NR3C2: variants seen among roughly 807,000 people sequenced by gnomAD.
NR3C2 encodes nuclear receptor subfamily 3 group C member 2, also known as mineralocorticoid receptor.
Under a neutral mutation model 86.4 loss-of-function variants are expected in NR3C2, and 15 were observed. That is an observed-to-expected ratio of 0.17 (90% CI 0.12 to 0.27). NR3C2 has a LOEUF of 0.27. Among genes scored for constraint, NR3C2 ranks in the 10% least tolerant of loss-of-function variants. NR3C2 has a pLI of 1.00. For synonymous variants in NR3C2, 458 were observed against 450.5 expected, an observed-to-expected ratio of 1.02 and a Z score of -0.21; for missense variants, 960 against 1,195.6, an observed-to-expected ratio of 0.80 and a Z score of 2.91.
chr4:148,177,121 T>C (rs772553929), intron 4 of NR3C2, among the ~76,000 whole-genome samples: 44 of 152,228 alleles, frequency 2.9e-4, no homozygotes, highest in Non-Finnish European at 5.6e-4. Flanking sequence ...ATCATCATTT[T>C]TTAAGCAGCA....
intron 4 of NR3C2, among the ~76,000 whole-genome samples, chr4:148,180,086 C>T (rs1240323952): frequency 6.6e-6 from 1 of 151,758 alleles, no homozygotes; most frequent in Non-Finnish European, 1.5e-5. Context: ...TTGGGAGACC[C>T]TTTAAAGACA....
rs1205834606 is a variant in NR3C2, at chr4:148,252,135, A to G, written c.1897+7843T>C. ...AAATGAGGATAGATAATAACCCCAC[A>G]CATTTGATAGAATTATCAAGAGGAT... On this transcript the variant is annotated intron_variant, in intron 3 of 8. Transcript: ENST00000358102. Among the ~76,000 whole-genome samples, 3 of 152,310 alleles carry G rather than the reference A, an allele frequency of 2.0e-5. No individual in the cohort carries two copies. The East Asian group carries it at 5.8e-4, about 29-fold the overall frequency.
At chr4:148,334,059 G>C (rs187425747) in intron 2 of NR3C2, among the ~76,000 whole-genome samples, 38 of 152,260 alleles carry the variant, frequency 2.5e-4, no homozygotes, top group Admixed American at 1.7e-3. Flanking sequence ...CAGACAATAA[G>C]GTGGACTTCC....
At chr4:148,103,667 A>G (rs1336783928) in intron 8 of NR3C2, among the ~76,000 whole-genome samples, 1 of 152,204 alleles carries the variant, frequency 6.6e-6, no homozygotes, top group East Asian at 1.9e-4. Context: ...CTCTCGCTCT[A>G]TGAACCTATT....
chr4:148,320,068 TGA>T (rs1162870898), intron 2 of NR3C2, among the ~76,000 whole-genome samples: 1 of 128,912 alleles, frequency 7.8e-6, no homozygotes, highest in Non-Finnish European at 1.6e-5. Context: ...CCTAATTTAT[TGA>T]GAGTTTTTAG....
intron 8 of NR3C2, among the ~76,000 whole-genome samples, chr4:148,082,649 C>A (rs373663842): frequency 6.8e-6 from 1 of 147,538 alleles, no homozygotes; most frequent in Non-Finnish European, 1.5e-5. Context: ...TTAGGGCAGA[C>A]ACTGAGCTAG....
At chr4:148,418,743 G>A (rs1749128776) in intron 2 of NR3C2, among the ~76,000 whole-genome samples, 1 of 152,152 alleles carries the variant, frequency 6.6e-6, no homozygotes, top group African/African-American at 2.4e-5. Flanking sequence ...ACTTTACATA[G>A]ATTAGCTCAG....
At chr4:148,200,966 T>TA (rs1225167169) in intron 3 of NR3C2, 2 of 152,014 alleles carry the variant, frequency 1.3e-5, no homozygotes, top group African/African-American at 4.8e-5. Flanking sequence ...ATCAATAGGT[T>TA]AAAAAAAGAA....
rs548909631 is a variant in NR3C2 at position 148,139,309 on chromosome 4, C to T, written c.2510+13160G>A. ...TCAAAACTTTGGGCTTTGGTTTCCT[C>T]ATCTTTAAAAGCAGGATCATAAATT... On this transcript the variant is annotated intron_variant, in intron 6 of 8. Coordinates refer to ENST00000358102, the MANE Select transcript of NR3C2 (RefSeq NM_000901.5). Among the ~76,000 whole-genome samples, 6 of 152,280 alleles carry T rather than the reference C, an allele frequency of 3.9e-5. No individual in the cohort carries two copies. In the East Asian group the frequency reaches 9.7e-4, roughly 25 times the overall value.
intron 3 of NR3C2, 84 bp from the exon 4 acceptor site, chr4:148,194,946 C>T (rs1262503351): frequency 9.2e-6 from 9 of 981,140 alleles, no homozygotes; most frequent in Non-Finnish European, 1.4e-5. Flanking sequence ...TATAAAACTA[C>T]TTCTTTCCTG....
chr4:148,414,909 C>T (rs1421925088), intron 2 of NR3C2, among the ~76,000 whole-genome samples: 1 of 152,152 alleles, frequency 6.6e-6, no homozygotes, highest in East Asian at 1.9e-4. Flanking sequence ...AGGCCAATTA[C>T]AAACCATGAA....
intron 1 of NR3C2, among the ~76,000 whole-genome samples, chr4:148,438,406 C>A (rs1343349523): frequency 6.6e-6 from 1 of 152,176 alleles, no homozygotes; most frequent in African/African-American, 2.4e-5. Context: ...TTTATTTTTA[C>A]ATTTTAGTAT....
In NR3C2 at chr4:148,294,141, T is replaced by A. The variant is rs147253613; in HGVS notation, c.1758-34024A>T. 2.0e-5 allele frequency among the ~76,000 whole-genome samples: 3 copies of A among 152,294 alleles called. No individual in the cohort carries two copies. In the East Asian group the frequency reaches 5.8e-4, roughly 29 times the overall value. On this transcript the variant is annotated intron_variant, in intron 2 of 8. Transcript: ENST00000358102. ...ATGGGCAAAAGGAGCTAGGTTCGAA[T>A]TGCATTTTTTCCACTTAGCAATACG... is the stretch of plus-strand genomic sequence containing the variant.
chr4:148,390,460 G>A (rs1747487513), intron 2 of NR3C2, among the ~76,000 whole-genome samples: 1 of 152,090 alleles, frequency 6.6e-6, no homozygotes, highest in Admixed American at 6.6e-5. Context: ...TCTGGGTGGT[G>A]GCAGGCAGGA....
chr4:148,228,295 A>ACACACC (rs765842430), intron 3 of NR3C2, among the ~76,000 whole-genome samples: 1 of 151,236 alleles, frequency 6.6e-6, no homozygotes, highest in Non-Finnish European at 1.5e-5. Context: ...ACACACACAC[A>ACACACC]CCCAAGTACT....
intron 2 of NR3C2, among the ~76,000 whole-genome samples, chr4:148,371,433 C>A (rs1746416686): frequency 6.6e-6 from 1 of 152,048 alleles, no homozygotes; most frequent in South Asian, 2.1e-4. Flanking sequence ...GCTTGAGACC[C>A]CCTTGGGGTT....
intron 2 of NR3C2, among the ~76,000 whole-genome samples, chr4:148,340,193 C>T (rs72656824): frequency 6.6e-6 from 1 of 151,996 alleles, no homozygotes; most frequent in Non-Finnish European, 1.5e-5. Flanking sequence ...CAAAAGACTC[C>T]GAATAGTCAA....
Position 148,442,170 on chromosome 4 carries a change from C to T in NR3C2, c.-13G>A, listed in dbSNP as rs972369212. On this transcript the variant is annotated 5_prime_UTR_variant, in exon 1 of 9. Coordinates refer to ENST00000358102, the MANE Select transcript of NR3C2 (RefSeq NM_000901.5). ...CGCGCCCCTACACACCTGCCTCGGCCGGGGTCCGTCTCTCGCCGTCTACCT... is the reference window on the plus strand; with the variant it reads ...CGCGCCCCTACACACCTGCCTCGGCTGGGGTCCGTCTCTCGCCGTCTACCT... 1 of 152,632 alleles carries T rather than the reference C, an allele frequency of 6.6e-6. No homozygotes were observed. Among genetic ancestry groups the T allele is most frequent in the African/African-American group, 2.4e-5 (1 of 41,468 alleles). The allele number at this position is 152,632 out of a possible 1,614,324, so 9.5% of individuals were successfully genotyped here.
At chr4:148,317,292 T>C (rs1579146167) in intron 2 of NR3C2, among the ~76,000 whole-genome samples, 1 of 151,190 alleles carries the variant, frequency 6.6e-6, no homozygotes, top group African/African-American at 2.4e-5. Context: ...GAGGTGGAGG[T>C]TGTGGTGAGC....
Sources: gnomAD v4.1 joint callset for allele counts (sites outside exome capture counted in the v4.1 genomes callset) on GRCh38, gnomAD v4.1.1 for gene constraint, MANE v1.5 for transcripts, NCBI Gene and HGNC (gene_info 2026-07-23, HGNC 2026-07-21) for gene names.